Variants in ESR2 observed in about 807,000 individuals in gnomAD.
ESR2 encodes estrogen receptor 2.
Under a neutral mutation model 49.6 loss-of-function variants are expected in ESR2, and 36 were observed. That is an observed-to-expected ratio of 0.73 (90% confidence interval 0.56 to 0.96). The LOEUF is 0.96. Among genes scored for constraint, ESR2 ranks in the 40% least tolerant of loss-of-function variants. The pLI is 0.00. For synonymous variants in ESR2, 320 were observed against 266.1 expected, an observed-to-expected ratio of 1.20 and a Z score of -1.97; for missense variants, 714 against 693.0, an observed-to-expected ratio of 1.03 and a Z score of -0.34.
At chr14:64,289,801 C>T (rs773523328) in intron 1 of ESR2, among the ~76,000 whole-genome samples, 2 of 152,178 alleles carry the variant, frequency 1.3e-5, no homozygotes, top group Admixed American at 6.5e-5. Flanking sequence ...GCCACATATT[C>T]CTGATGCCAT....
chr14:64,276,555 A>T (rs1053572530), intron 3 of ESR2, among the ~76,000 whole-genome samples: 1 of 152,212 alleles, frequency 6.6e-6, no homozygotes, highest in Non-Finnish European at 1.5e-5. Context: ...ACACTTGAAA[A>T]CATCTGTCAA....
intron 4 of ESR2, 129 bp from the exon 5 acceptor site, chr14:64,260,877 C>T: frequency 2.6e-6 from 2 of 766,052 alleles, no homozygotes; most frequent in Admixed American, 4.0e-5. Flanking sequence ...ACCGTACTAG[C>T]AAAACCAACG....
At position 64,231,300 on chromosome 14, in the gene ESR2, T is replaced by C. The variant is rs1231705846; in HGVS notation, c.*1837A>G. ...GCTGCCTTCTTTGCCTCTTACTTCCTACTCTCCAGCTTCCAAACCCCTCTA... is the reference window on the plus strand; with the variant it reads ...GCTGCCTTCTTTGCCTCTTACTTCCCACTCTCCAGCTTCCAAACCCCTCTA... On this transcript the variant is annotated 3_prime_UTR_variant, in exon 9 of 9. Coordinates refer to ENST00000341099, the MANE Select transcript of ESR2 (RefSeq NM_001437.3). 6.6e-6 allele frequency: 1 copy of C among 152,210 alleles called. No individual in the cohort carries two copies. The highest frequency in any genetic ancestry group is 2.4e-5 in the African/African-American group (1 of 41,452). The allele number at this position is 152,210 out of a possible 1,614,324, so 9.4% of individuals were successfully genotyped here.
At chr14:64,329,395 C>A (rs117119136) in intron 1 of ESR2, 1 of 152,164 alleles carries the variant, frequency 6.6e-6, no homozygotes, top group African/African-American at 2.4e-5. Context: ...GTATCCAAAC[C>A]GTAGCACACA....
chr14:64,236,957 C>CT (rs34618726), intron 7 of ESR2, among the ~76,000 whole-genome samples: 4,475 of 145,784 alleles, frequency 0.031, 110 homozygotes, highest in Non-Finnish European at 0.048. Context: ...GGGCACAGAC[C>CT]TTTTTTTTTT....
intron 1 of ESR2, among the ~76,000 whole-genome samples, chr14:64,290,812 T>C (rs1315734291): frequency 6.6e-6 from 1 of 152,212 alleles, no homozygotes; most frequent in Non-Finnish European, 1.5e-5. Context: ...ATAACTGATT[T>C]GCATGTAATT....
upstream of ESR2, chr14:64,297,585 C>T (rs1357279528): frequency 6.6e-6 from 1 of 152,264 alleles, no homozygotes; most frequent in East Asian, 1.9e-4. Flanking sequence ...ACATCTCTAG[C>T]ATTCTCCATG....
At chr14:64,227,780 C>CA (rs1344711873), downstream of ESR2, 2 of 1,538,254 alleles carry the variant, frequency 1.3e-6, no homozygotes, top group East Asian at 2.3e-5. Context: ...TTCTTTCACT[C>CA]AAAGCTCAGT....
chr14:64,268,780 G>A lies in ESR2; in HGVS notation c.652+15C>T. On this transcript the variant is annotated intron_variant, in intron 4 of 8. Coordinates refer to ENST00000341099, the MANE Select transcript of ESR2 (RefSeq NM_001437.3). ...GCAAGGCCCATATTCAATAAGAAGG[G>A]AAGCAAGCACTCACCACACTTCACC... 6.7e-7 allele frequency: 1 copy of A among 1,499,516 alleles called. No homozygotes were observed. Among genetic ancestry groups the A allele is most frequent in the South Asian group, 1.1e-5 (1 of 88,234 alleles). 92.9% of individuals were successfully genotyped at this position (1,499,516 alleles called of 1,614,324 possible).
intron 7 of ESR2, among the ~76,000 whole-genome samples, chr14:64,239,223 T>C (rs1019613404): frequency 9.9e-5 from 15 of 152,172 alleles, no homozygotes; most frequent in African/African-American, 3.6e-4. Flanking sequence ...TGCAGGCTGC[T>C]GTTCAACTGT....
Position 64,257,319 on chromosome 14 carries a change from C to T in ESR2, c.998G>A (p.Ser333Asn). ...CATCATTAACACCTCCATCCAACAG[C>T]TCTCCAAGAGCCGCACTTGGTCGAA... ...SLFDQVRLLE[S>N]CWMEVLMMGL... The change falls in exon 6 of 9, where the codon AGC (serine) becomes AAC (asparagine). Residue 333 changes from serine (S) to asparagine (N), a missense_variant. Coordinates refer to ENST00000341099, the MANE Select transcript of ESR2 (RefSeq NM_001437.3). 1.9e-6 allele frequency: 3 copies of T among 1,613,910 alleles called. No individual in the cohort carries two copies. In the African/African-American group the frequency reaches 4.0e-5, roughly 22 times the overall value.
At chr14:64,322,194 G>T (rs147167863) in intron 1 of ESR2, among the ~76,000 whole-genome samples, 6 of 152,172 alleles carry the variant, frequency 3.9e-5, no homozygotes, top group African/African-American at 1.4e-4. Flanking sequence ...GAGTAGCTGG[G>T]ATTACAGGTA....
chr14:64,281,248 T>A (rs2076661181), intron 2 of ESR2, among the ~76,000 whole-genome samples: 1 of 152,020 alleles, frequency 6.6e-6, no homozygotes, highest in African/African-American at 2.4e-5. Context: ...TAACAAGGGA[T>A]CCCCAGGCAG....
At chr14:64,261,352 C>T (rs906411486) in intron 4 of ESR2, among the ~76,000 whole-genome samples, 13 of 149,878 alleles carry the variant, frequency 8.7e-5, no homozygotes, top group African/African-American at 2.5e-4. Flanking sequence ...ATTCTCCTGC[C>T]TCAGCCTCCC....
At chr14:64,263,467 G>A (rs942990241) in intron 4 of ESR2, among the ~76,000 whole-genome samples, 1 of 152,058 alleles carries the variant, frequency 6.6e-6, no homozygotes, top group African/African-American at 2.4e-5. Flanking sequence ...GACCAGCCTG[G>A]CCAAAATGGA....
At chr14:64,293,314 T>A (rs2076902957) in intron 1 of ESR2, among the ~76,000 whole-genome samples, 1 of 152,138 alleles carries the variant, frequency 6.6e-6, no homozygotes, top group South Asian at 2.1e-4. Flanking sequence ...CCCATGTAAA[T>A]ACTAGAAATA....
intron 1 of ESR2, among the ~76,000 whole-genome samples, chr14:64,291,420 A>C (rs1295200563): frequency 6.6e-6 from 1 of 152,128 alleles, no homozygotes; most frequent in East Asian, 1.9e-4. Context: ...GCTCCTCATA[A>C]ACTTGCCACT....
At chr14:64,289,107 G>A (rs1360540162) in intron 1 of ESR2, among the ~76,000 whole-genome samples, 2 of 151,840 alleles carry the variant, frequency 1.3e-5, no homozygotes, top group African/African-American at 4.8e-5. Flanking sequence ...GGCAATCTTA[G>A]ACAAATCCAC....
At position 64,232,565 on chromosome 14, in the gene ESR2, C is replaced by G. The variant is rs1191391337; in HGVS notation, c.*572G>C. On this transcript the variant is annotated 3_prime_UTR_variant, in exon 9 of 9. Coordinates refer to ENST00000341099, the MANE Select transcript of ESR2 (RefSeq NM_001437.3). ...GAACATGACTCACATCCCAGCTTAA[C>G]CACAGTCCCTCTGGCCTTTGACAGA... 6.6e-6 allele frequency: 1 copy of G among 152,440 alleles called. No individual in the cohort carries two copies. The highest frequency in any genetic ancestry group is 1.9e-4 in the East Asian group (1 of 5,202). The allele number at this position is 152,440 out of a possible 1,614,324, so 9.4% of individuals were successfully genotyped here.
Sources: gnomAD v4.1 joint callset for allele counts (sites outside exome capture counted in the v4.1 genomes callset) on GRCh38, gnomAD v4.1.1 for gene constraint, MANE v1.5 for transcripts, NCBI Gene and HGNC (gene_info 2026-07-23, HGNC 2026-07-21) for gene names.